Variants in BTD observed in about 807,000 individuals in gnomAD.
The protein encoded by BTD is biocytinase.
A neutral mutation model predicts 17.7 loss-of-function variants in BTD; 13 were observed. The ratio of observed to expected loss-of-function variants is 0.74; its 90% CI spans 0.48 to 1.17. The LOEUF (loss-of-function observed/expected upper bound fraction) is 1.17. Among genes scored for constraint, BTD ranks in the 50% most tolerant of loss-of-function variants. The probability of loss-of-function intolerance (pLI) is 0.00; values close to 1 mark genes in which losing one functional copy is unlikely to be tolerated. For missense variants in BTD, 674 were observed against 650.4 expected (o/e 1.04, Z -0.39); for synonymous variants, 240 against 245.2 (o/e 0.98, Z 0.20).
At chr3:15,721,060 A>G (rs753728824) in intron 4 of BTD, 11 of 1,613,788 alleles carry the variant, frequency 6.8e-6, no homozygotes, top group African/African-American at 6.7e-5. Flanking sequence ...TTCATTCACT[A>G]CAACATCTTG....
At chr3:15,634,182 A>C (rs1306545061) in intron 1 of BTD, among the ~76,000 whole-genome samples, 1 of 152,264 alleles carries the variant, frequency 6.6e-6, no homozygotes, top group East Asian at 1.9e-4. Context: ...CTTTTGATAA[A>C]AAATAAAGAA....
chr3:15,607,760 T>C (rs1420281177), intron 1 of BTD, among the ~76,000 whole-genome samples: 1 of 152,160 alleles, frequency 6.6e-6, no homozygotes, highest in Non-Finnish European at 1.5e-5. Flanking sequence ...TGATACTGAA[T>C]ATCTTAAAAA....
intron 3 of BTD, among the ~76,000 whole-genome samples, chr3:15,704,539 T>C (rs1212518233): frequency 1.3e-5 from 2 of 152,244 alleles, no homozygotes; most frequent in East Asian, 1.9e-4. Flanking sequence ...CAAATGTACA[T>C]TACTGAATAA....
chr3:15,714,502 T>C, downstream of BTD: 1 of 1,042,888 alleles, frequency 9.6e-7, no homozygotes, highest in Non-Finnish European at 1.4e-6. Flanking sequence ...TCAATACCAT[T>C]CATTTGGTGG....
intron 3 of BTD, among the ~76,000 whole-genome samples, chr3:15,664,366 T>C (rs2125543943): frequency 6.6e-6 from 1 of 152,366 alleles, no homozygotes; most frequent in Admixed American, 6.5e-5. Flanking sequence ...CTTTGTTTTG[T>C]TCCTTCTGGT....
rs935030104 is a variant in BTD, at chr3:15,649,791, A to G, written c.*4303A>G. Among the ~76,000 whole-genome samples, 11 of 152,162 alleles carry G rather than the reference A, an allele frequency of 7.2e-5. No homozygotes were observed. The highest frequency in any genetic ancestry group is 4.4e-5 in the Non-Finnish European group (3 of 68,042). The stretch of plus-strand genomic sequence containing the variant: ...CTGGTGTTTCCCATTCCCAGTTCAC[A>G]GAGCCCTTTCTCATTGAACTATTTA... On this transcript the variant is annotated 3_prime_UTR_variant, in exon 4 of 4. Coordinates refer to ENST00000643237, the MANE Select transcript of BTD (RefSeq NM_001370658.1).
chr3:15,694,954 C>A, intron 3 of BTD: 2 of 829,360 alleles, frequency 2.4e-6, no homozygotes, highest in Non-Finnish European at 3.9e-6. Flanking sequence ...TGAAAGTATA[C>A]TAAGGACCAC....
intron 2 of BTD, among the ~76,000 whole-genome samples, chr3:15,640,105 A>G (rs1461378967): frequency 2.0e-5 from 3 of 152,202 alleles, no homozygotes; most frequent in Non-Finnish European, 4.4e-5. Context: ...CTCTCTCTCA[A>G]AAAACAAAAC....
intron 3 of BTD, among the ~76,000 whole-genome samples, chr3:15,662,271 T>G (rs2065932510): frequency 1.3e-5 from 2 of 152,248 alleles, no homozygotes; most frequent in Admixed American, 1.3e-4. Flanking sequence ...GCATTTATTT[T>G]TTCTTTGATT....
At chr3:15,611,314 A>G (rs1435126345) in intron 1 of BTD, among the ~76,000 whole-genome samples, 2 of 152,210 alleles carry the variant, frequency 1.3e-5, no homozygotes, top group African/African-American at 4.8e-5. Flanking sequence ...TTTTGGAACC[A>G]CAAGATGACT....
intron 1 of BTD, 44 bp downstream of exon 1, chr3:15,601,938 G>T: frequency 6.2e-7 from 1 of 1,611,218 alleles, no homozygotes; most frequent in Non-Finnish European, 8.5e-7. Context: ...TGTGGTAAGG[G>T]CGTGCGGTCC....
rs776369447 is a variant in BTD, at chr3:15,645,180, G to A, written c.1264G>A (p.Val422Ile). ...ATCCAAAGAGCTGTATGCCCTGGGG[G>A]TCTTTGATGGGCTTCACACAGTACA... ...TLSKELYALG[V>I]FDGLHTVHGT... Residue 422 changes from valine (V) to isoleucine (I), a missense_variant, in exon 4 of 4, where the codon GTC becomes ATC. Physicochemically the swap from Val to Ile is conservative, Grantham distance 29. Coordinates refer to ENST00000643237, the MANE Select transcript of BTD (RefSeq NM_001370658.1). The A allele has an allele frequency of 3.5e-5, 57 of 1,614,032 alleles. 1 individual carries two copies. In the South Asian group the frequency reaches 5.4e-4, roughly 15 times the overall value.
chr3:15,655,062 G>A (rs117103065), downstream of BTD, among the ~76,000 whole-genome samples: 221 of 152,230 alleles, frequency 1.5e-3, 3 homozygotes, highest in East Asian at 0.038. Context: ...CATCAGACAC[G>A]TCAAAGCCAC....
chr3:15,602,715 C>G (rs1407016964), intron 1 of BTD, among the ~76,000 whole-genome samples: 1 of 151,910 alleles, frequency 6.6e-6, no homozygotes, highest in Non-Finnish European at 1.5e-5. Flanking sequence ...ATTTCTAAAC[C>G]CAGACATTTT....
At chr3:15,637,305 G>A (rs1278047648) in intron 2 of BTD, among the ~76,000 whole-genome samples, 1 of 152,010 alleles carries the variant, frequency 6.6e-6, no homozygotes, top group African/African-American at 2.4e-5. Context: ...ACTCTCACCT[G>A]TCGCATTCTA....
In BTD at chr3:15,613,642, G is replaced by A. The variant is rs114011076; in HGVS notation, c.-17+11748G>A. Among the ~76,000 whole-genome samples, 547 of 150,338 alleles carry A rather than the reference G, an allele frequency of 3.6e-3. 4 individuals carry two copies. Among genetic ancestry groups the A allele is most frequent in the Non-Finnish European group, 5.9e-3 (403 of 67,778 alleles). Reference sequence around the variant, plus strand: ...TAATATAAGCAGTTTTTTTTCACTCGTGGCAGAATGTTTTGTCACAGTTTT... The same window carrying A: ...TAATATAAGCAGTTTTTTTTCACTCATGGCAGAATGTTTTGTCACAGTTTT... On this transcript the variant is annotated intron_variant, in intron 1 of 3. Transcript: ENST00000643237.
intron 3 of BTD, among the ~76,000 whole-genome samples, chr3:15,702,895 T>C (rs935802419): frequency 6.6e-6 from 1 of 151,428 alleles, no homozygotes; most frequent in Non-Finnish European, 1.5e-5. Flanking sequence ...TTAGGATACG[T>C]CAGAACTGTT....
chr3:15,703,278 AAAAT>A (rs2070883180), intron 3 of BTD, among the ~76,000 whole-genome samples: 1 of 152,246 alleles, frequency 6.6e-6, no homozygotes, highest in South Asian at 2.1e-4. Flanking sequence ...AAAACAGACA[AAAAT>A]AAACTGCCAT....
intron 3 of BTD, chr3:15,676,806 C>A: frequency 8.2e-6 from 4 of 490,710 alleles, no homozygotes; most frequent in Admixed American, 3.7e-5. Flanking sequence ...AATAATATGG[C>A]TTTTAGTTGT....
Sources: allele counts gnomAD v4.1 joint callset (sites outside exome capture counted in the v4.1 genomes callset), GRCh38; gene constraint gnomAD v4.1.1; transcripts MANE v1.5; gene names NCBI Gene and HGNC (gene_info 2026-07-23, HGNC 2026-07-21).